The following ADAM10 variants were observed in gnomAD, a reference collection of about 807,000 sequenced individuals.
ADAM10 encodes the protein ADAM metallopeptidase domain 10, also known as disintegrin and metalloproteinase domain-containing protein 10.
In ADAM10, 17 loss-of-function variants were observed where a neutral mutation model predicts 90.1. The observed-to-expected ratio is 0.19, with a 90% CI of 0.13 to 0.28. The LOEUF (loss-of-function observed/expected upper bound fraction) is 0.28, where lower values mean the gene tolerates loss of function less well. Among genes scored for constraint, ADAM10 ranks in the 10% least tolerant of loss-of-function variants. ADAM10 has a pLI of 1.00. For synonymous variants in ADAM10, 310 were observed against 298.6 expected (o/e 1.04, Z -0.40); for missense variants, 610 against 914.3 (o/e 0.67, Z 4.29).
In ADAM10 at chr15:58,633,303, ACTT is replaced by A; in HGVS notation, c.1066_1068del (p.Lys356del). 6.2e-7 allele frequency: 1 copy of A among 1,613,416 alleles called. No homozygotes were observed. Among genetic ancestry groups the A allele is most frequent in the Non-Finnish European group, 8.5e-7 (1 of 1,179,430 alleles). Reference sequence around the variant, plus strand: ...ACAGTAATAATTCCAGTGTTTAAGGACTTCTTCTTACCATCTGAATAGAGTTTA... The same window carrying A: ...ACAGTAATAATTCCAGTGTTTAAGGACTTCTTACCATCTGAATAGAGTTTA... On this transcript the variant is annotated inframe_deletion, in exon 9 of 16. Coordinates refer to ENST00000260408, the MANE Select transcript of ADAM10 (RefSeq NM_001110.4).
At chr15:58,605,125 G>A (rs752506677) in intron 14 of ADAM10, among the ~76,000 whole-genome samples, 49 of 152,154 alleles carry the variant, frequency 3.2e-4, no homozygotes, top group Admixed American at 3.9e-4. Context: ...ATTTAGTAGT[G>A]GTTAAAACTG....
At chr15:58,660,487 TAATTAAAAAAAA>T (rs1329767505) in intron 5 of ADAM10, among the ~76,000 whole-genome samples, 5 of 152,174 alleles carry the variant, frequency 3.3e-5, no homozygotes, top group Non-Finnish European at 5.9e-5. Context: ...TATATTTTTT[TAATTAAAAAAAA>T]TTGAGACAGG....
At chr15:58,745,530 A>G (rs1254270291) in intron 1 of ADAM10, among the ~76,000 whole-genome samples, 3 of 152,172 alleles carry the variant, frequency 2.0e-5, no homozygotes, top group Admixed American at 1.3e-4. Flanking sequence ...TTTTTAAAAA[A>G]CATCTAATAA....
intron 5 of ADAM10, among the ~76,000 whole-genome samples, chr15:58,647,554 C>G (rs1235056983): frequency 1.3e-5 from 2 of 150,890 alleles, no homozygotes; most frequent in South Asian, 2.1e-4. Flanking sequence ...CCACCACCCC[C>G]GCCAAGTATT....
At chr15:58,650,092 T>G (rs1896648784) in intron 5 of ADAM10, among the ~76,000 whole-genome samples, 1 of 152,334 alleles carries the variant, frequency 6.6e-6, no homozygotes, top group African/African-American at 2.4e-5. Flanking sequence ...TTTTGTTAAT[T>G]TTCAATTTTC....
chr15:58,715,045 A>G (rs530988373), intron 2 of ADAM10, among the ~76,000 whole-genome samples: 1 of 152,320 alleles, frequency 6.6e-6, no homozygotes, highest in South Asian at 2.1e-4. Context: ...AATTGGGAAA[A>G]TAAACTAAAA....
rs193144311 is a variant in ADAM10 at position 58,609,186 on chromosome 15, A to C, written c.2025+1111T>G. On this transcript the variant is annotated intron_variant, in intron 14 of 15. Transcript: ENST00000260408. ...AACTTCAGTTTGACAGGTATTTACTAGAACTTACCACGCAACAAGCACAGG... is the reference window on the plus strand; with the variant it reads ...AACTTCAGTTTGACAGGTATTTACTCGAACTTACCACGCAACAAGCACAGG... 275 of 152,300 alleles carry C rather than the reference A, an allele frequency of 1.8e-3. 1 individual carries two copies. Among genetic ancestry groups the C allele is most frequent in the African/African-American group, 6.2e-3 (256 of 41,574 alleles). The allele number at this position is 152,300 out of a possible 1,614,324, so 9.4% of individuals were successfully genotyped here.
chr15:58,617,555 G>A (rs965732284), intron 11 of ADAM10, among the ~76,000 whole-genome samples: 1 of 152,128 alleles, frequency 6.6e-6, no homozygotes, highest in South Asian at 2.1e-4. Context: ...GGAAGTCTGA[G>A]CCAGAGCAAT....
In ADAM10 at chr15:58,682,262, T is replaced by G. The variant is rs936818221; in HGVS notation, c.259A>C (p.Lys87Gln). 6.2e-7 allele frequency: 1 copy of G among 1,613,176 alleles called. No individual in the cohort carries two copies. Among genetic ancestry groups the G allele is most frequent in the Non-Finnish European group, 8.5e-7 (1 of 1,179,540 alleles). Residue 87 changes from lysine (K) to glutamine (Q), a missense_variant, in exon 3 of 16, where the codon AAA (lysine) becomes CAA (glutamine). Transcript: ENST00000260408. ...RDTSLFSDEF[K>Q]VETSNKVLDY... ...AGTACTTTATTTGATGTTTCTACTT[T>G]AAATTCATCACTGAAAAGGGAAGTG... is the stretch of plus-strand genomic sequence containing the variant.
chr15:58,655,687 T>C (rs568418150), intron 5 of ADAM10, among the ~76,000 whole-genome samples: 1,598 of 79,280 alleles, frequency 0.02, 86 homozygotes, highest in East Asian at 0.05. Flanking sequence ...CATATATATA[T>C]TATATATAGT....
At chr15:58,745,739 TA>T (rs1899770436) in intron 1 of ADAM10, among the ~76,000 whole-genome samples, 1 of 152,016 alleles carries the variant, frequency 6.6e-6, no homozygotes. Flanking sequence ...CCCAAGCAGG[TA>T]ACAAAAATGA....
chr15:58,651,735 C>T (rs1896693149), intron 5 of ADAM10, among the ~76,000 whole-genome samples: 1 of 152,128 alleles, frequency 6.6e-6, no homozygotes, highest in African/African-American at 2.4e-5. Context: ...GTGCAGCTAT[C>T]TCTATGATGT....
In ADAM10 at chr15:58,596,419, G is replaced by A. The variant is rs1192769462; in HGVS notation, c.*1128C>T. The A allele has an allele frequency of 6.6e-6, 1 of 152,556 alleles. No individual in the cohort carries two copies. Among genetic ancestry groups the A allele is most frequent in the East Asian group, 1.9e-4 (1 of 5,192 alleles). The allele number at this position is 152,556 out of a possible 1,614,324, so 9.5% of individuals were successfully genotyped here. A position where few individuals can be genotyped will look rare whatever the true frequency, so the allele number is the denominator to read the frequency against. Reference sequence around the variant, plus strand: ...AAAAATTTTAGGAAAAAAAATGTCAGAAGGCCTATCTACAATTTTAACTAC... The same window carrying A: ...AAAAATTTTAGGAAAAAAAATGTCAAAAGGCCTATCTACAATTTTAACTAC... On this transcript the variant is annotated 3_prime_UTR_variant, in exon 16 of 16. Coordinates refer to ENST00000260408, the MANE Select transcript of ADAM10 (RefSeq NM_001110.4).
intron 14 of ADAM10, among the ~76,000 whole-genome samples, chr15:58,608,679 G>A (rs1464623656): frequency 6.6e-6 from 1 of 152,142 alleles, no homozygotes; most frequent in East Asian, 1.9e-4. Flanking sequence ...CCAATTCATT[G>A]TGAAACATTT....
intron 5 of ADAM10, among the ~76,000 whole-genome samples, chr15:58,662,419 A>G (rs1165406665): frequency 6.6e-6 from 1 of 152,162 alleles, no homozygotes; most frequent in Non-Finnish European, 1.5e-5. Context: ...AGCAGCCTCA[A>G]CCACCTGGGC....
intron 4 of ADAM10, 61 bp downstream of exon 4, chr15:58,679,063 C>T (rs1209074647): frequency 3.3e-6 from 5 of 1,494,758 alleles, no homozygotes; most frequent in Non-Finnish European, 4.6e-6. Context: ...TTTGTCTCCA[C>T]ACAGTTTTAA....
intron 5 of ADAM10, among the ~76,000 whole-genome samples, chr15:58,655,749 T>G (rs1477832774): frequency 9.5e-6 from 1 of 105,582 alleles, no homozygotes; most frequent in African/African-American, 3.7e-5. Flanking sequence ...ATTCTTTTTT[T>G]TTTTTTTTTT....
intron 4 of ADAM10, among the ~76,000 whole-genome samples, chr15:58,675,949 G>C (rs1333772221): frequency 1.3e-5 from 2 of 152,134 alleles, no homozygotes; most frequent in Non-Finnish European, 1.5e-5. Flanking sequence ...AACATTCACA[G>C]TGATACAATA....
At chr15:58,615,714 A>G (rs1476929064) in intron 11 of ADAM10, among the ~76,000 whole-genome samples, 4 of 152,152 alleles carry the variant, frequency 2.6e-5, no homozygotes, top group African/African-American at 9.7e-5. Flanking sequence ...TAAGTCAAAA[A>G]CTGTGAAAAG....
Sources: allele counts gnomAD v4.1 joint callset (sites outside exome capture counted in the v4.1 genomes callset), GRCh38; gene constraint gnomAD v4.1.1; transcripts MANE v1.5; gene names NCBI Gene and HGNC (gene_info 2026-07-23, HGNC 2026-07-21).